GAS7: variants seen among roughly 807,000 people sequenced by gnomAD.
GAS7 encodes the protein growth arrest specific 7.
In GAS7, 28 loss-of-function variants were observed where a neutral mutation model predicts 71.1. That is an observed-to-expected ratio of 0.39 (90% CI 0.29 to 0.54). The LOEUF (loss-of-function observed/expected upper bound fraction) is 0.54. Among genes scored for constraint, GAS7 ranks in the 20% least tolerant of loss-of-function variants. GAS7 has a pLI of 0.62. For synonymous variants in GAS7, 258 were observed against 245.8 expected, an observed-to-expected ratio of 1.05 and a Z score of -0.46; for missense variants, 436 against 627.8, an observed-to-expected ratio of 0.69 and a Z score of 3.27.
intron 1 of GAS7, among the ~76,000 whole-genome samples, chr17:10,172,143 C>A (rs1224006874): frequency 6.6e-6 from 1 of 152,176 alleles, no homozygotes; most frequent in Admixed American, 6.6e-5. Context: ...TGCCTAACTA[C>A]CCATCAATCT....
At position 10,185,451 on chromosome 17, in the gene GAS7, G is replaced by C. The variant is rs148755135; in HGVS notation, c.183+12757C>G. On this transcript the variant is annotated intron_variant, in intron 1 of 13. Coordinates refer to ENST00000432992, the MANE Select transcript of GAS7 (RefSeq NM_201433.2). ...CCAAGCTCTTCTCCCAGCTTCTCCT[G>C]GCCCTCAGAGCAATCCTGGGAAACT... is the stretch of plus-strand genomic sequence containing the variant. Among the ~76,000 whole-genome samples the C allele has an allele frequency of 2.5e-3, 378 of 152,218 alleles. 2 individuals are homozygous for C. Among genetic ancestry groups the C allele is most frequent in the African/African-American group, 8.8e-3 (365 of 41,524 alleles).
At chr17:9,965,139 G>T (rs982089860) in intron 4 of GAS7, among the ~76,000 whole-genome samples, 2 of 152,112 alleles carry the variant, frequency 1.3e-5, no homozygotes, top group Non-Finnish European at 2.9e-5. Flanking sequence ...ATCTAGAACC[G>T]GAAATACCAT....
intron 9 of GAS7, among the ~76,000 whole-genome samples, chr17:9,930,037 A>C (rs1222509188): frequency 6.6e-6 from 1 of 152,202 alleles, no homozygotes; most frequent in East Asian, 1.9e-4. Flanking sequence ...AATTTCAGAC[A>C]CTGTCTAGTC....
At chr17:10,105,951 G>A (rs753352558) in intron 1 of GAS7, among the ~76,000 whole-genome samples, 6 of 152,016 alleles carry the variant, frequency 3.9e-5, no homozygotes, top group Non-Finnish European at 5.9e-5. Context: ...ATTTCCTCTC[G>A]AGTCTCTCAC....
intron 1 of GAS7, among the ~76,000 whole-genome samples, chr17:10,171,776 G>A (rs2074336719): frequency 6.9e-6 from 1 of 145,354 alleles, no homozygotes; most frequent in Admixed American, 6.8e-5. Flanking sequence ...TGACCTCTCT[G>A]AGCCTTTATC....
At chr17:10,011,155 T>C (rs936291170) in intron 2 of GAS7, among the ~76,000 whole-genome samples, 1 of 152,224 alleles carries the variant, frequency 6.6e-6, no homozygotes, top group Admixed American at 6.5e-5. Flanking sequence ...CACTCAGTTC[T>C]AGGAGAGTCT....
rs149510529 is a variant in GAS7, at chr17:10,181,356, C to G, written c.183+16852G>C. On this transcript the variant is annotated intron_variant, in intron 1 of 13. Transcript: ENST00000432992. ...GCCTGGGTGACAGAGCAAGACTCCACCTCAAAAAAAAAAAGAATAGAATAG... is the reference window on the plus strand; with the variant it reads ...GCCTGGGTGACAGAGCAAGACTCCAGCTCAAAAAAAAAAAGAATAGAATAG... Among the ~76,000 whole-genome samples the G allele has an allele frequency of 6.5e-3, 834 of 127,488 alleles. 9 individuals are homozygous for G. The highest frequency in any genetic ancestry group is 0.023 in the African/African-American group (760 of 33,180). 83.6% of individuals were successfully genotyped at this position (127,488 alleles called of 152,430 possible).
rs545852186 is a variant in GAS7 at position 10,132,337 on chromosome 17, G to C, written c.183+65871C>G. ...AAGAATGCCTCTTCCTTTTAAACCT[G>C]GTCTAACTTGCTGATCTTCAACCTC... On this transcript the variant is annotated intron_variant, in intron 1 of 13. Transcript: ENST00000432992. Among the ~76,000 whole-genome samples, 12 of 152,166 alleles carry C rather than the reference G, an allele frequency of 7.9e-5. No homozygotes were observed. In the East Asian group the frequency reaches 2.1e-3, roughly 27 times the overall value.
At chr17:10,180,555 C>T (rs549656753) in intron 1 of GAS7, among the ~76,000 whole-genome samples, 2 of 152,198 alleles carry the variant, frequency 1.3e-5, no homozygotes, top group Admixed American at 6.5e-5. Flanking sequence ...CCGATTTCTT[C>T]AACGCCTGTT....
At position 9,914,320 on chromosome 17, in the gene GAS7, A is replaced by G; in HGVS notation, c.*2908T>C. ...TGGTTCACTGCAATCTCCGCCTCCC[A>G]GGTTCAAGCGATTCTACTGCCTCAG... On this transcript the variant is annotated 3_prime_UTR_variant, in exon 14 of 14. Transcript: ENST00000432992. The G allele has an allele frequency of 1.1e-5, 2 of 186,440 alleles. No individual in the cohort carries two copies. The highest frequency in any genetic ancestry group is 2.3e-5 in the Non-Finnish European group (2 of 88,212). 11.5% of individuals were successfully genotyped at this position (186,440 alleles called of 1,614,324 possible).
At chr17:10,123,170 CT>C (rs2073918696) in intron 1 of GAS7, among the ~76,000 whole-genome samples, 1 of 152,154 alleles carries the variant, frequency 6.6e-6, no homozygotes, top group Non-Finnish European at 1.5e-5. Context: ...TGTGGTGGGC[CT>C]CAAGACTCAC....
chr17:10,180,138 C>T (rs1019937658), intron 1 of GAS7, among the ~76,000 whole-genome samples: 10 of 151,964 alleles, frequency 6.6e-5, no homozygotes, highest in Non-Finnish European at 1.3e-4. Flanking sequence ...GTCAGGAGTT[C>T]GAGACCAGAC....
At chr17:10,022,447 C>A (rs957879558) in intron 1 of GAS7, among the ~76,000 whole-genome samples, 1 of 152,148 alleles carries the variant, frequency 6.6e-6, no homozygotes, top group African/African-American at 2.4e-5. Flanking sequence ...CAAATATTGA[C>A]ATGGTCAGAA....
At chr17:10,071,446 C>T (rs1391674248) in intron 1 of GAS7, among the ~76,000 whole-genome samples, 1 of 152,142 alleles carries the variant, frequency 6.6e-6, no homozygotes, top group Non-Finnish European at 1.5e-5. Flanking sequence ...CCCCATGTCA[C>T]AGAGAACAGC....
At chr17:10,046,790 AAGG>A (rs2072969401) in intron 1 of GAS7, among the ~76,000 whole-genome samples, 12 of 36,260 alleles carry the variant, frequency 3.3e-4, no homozygotes, top group South Asian at 1.0e-3. Flanking sequence ...GAAAGAAAGG[AAGG>A]AAGGAAGGAA....
intron 1 of GAS7, among the ~76,000 whole-genome samples, chr17:10,129,651 G>T (rs1475901162): frequency 3.9e-5 from 6 of 152,106 alleles, no homozygotes; most frequent in Non-Finnish European, 5.9e-5. Context: ...GGAAAAAATC[G>T]GTAAACTGGT....
At chr17:9,985,081 C>A (rs1055544207) in intron 2 of GAS7, among the ~76,000 whole-genome samples, 1 of 152,170 alleles carries the variant, frequency 6.6e-6, no homozygotes, top group Non-Finnish European at 1.5e-5. Context: ...ACCAGCTCCA[C>A]CCTATGTCCC....
intron 9 of GAS7, among the ~76,000 whole-genome samples, chr17:9,928,586 G>T (rs1018967958): frequency 3.9e-5 from 6 of 152,156 alleles, no homozygotes; most frequent in African/African-American, 1.2e-4. Flanking sequence ...TCTTAGAGGT[G>T]TCTCTAGGGA....
intron 1 of GAS7, among the ~76,000 whole-genome samples, chr17:10,118,448 C>T (rs913130543): frequency 2.6e-5 from 4 of 152,270 alleles, no homozygotes; most frequent in Non-Finnish European, 2.9e-5. Flanking sequence ...CAGTGGCTCA[C>T]GCCTGTAATC....
Sources: allele counts gnomAD v4.1 joint callset (sites outside exome capture counted in the v4.1 genomes callset), GRCh38; gene constraint gnomAD v4.1.1; transcripts MANE v1.5; gene names NCBI Gene and HGNC (gene_info 2026-07-23, HGNC 2026-07-21).